Variants in SLIT3 observed in about 807,000 individuals in gnomAD.
SLIT3 encodes slit homolog 3 protein.
SLIT3 carries 68 observed loss-of-function variants against 184.0 expected under a neutral mutation model. The observed-to-expected ratio is 0.37, with a 90% CI of 0.30 to 0.45. SLIT3 has a LOEUF of 0.45. Ranked by LOEUF, SLIT3 falls within the 20% of genes least tolerant of loss-of-function variation. The pLI is 1.00. For missense variants in SLIT3, 1,707 were observed against 2,026.0 expected (o/e 0.84, Z 3.02); for synonymous variants, 831 against 828.6 (o/e 1.00, Z -0.05).
At chr5:169,061,348 A>G (rs1038329411) in intron 4 of SLIT3, among the ~76,000 whole-genome samples, 10 of 152,102 alleles carry the variant, frequency 6.6e-5, no homozygotes, top group East Asian at 3.9e-4. Context: ...TGTTGACTAG[A>G]GGCCTTCCCT....
At chr5:169,008,236 T>G (rs1756003137) in intron 4 of SLIT3, among the ~76,000 whole-genome samples, 1 of 152,186 alleles carries the variant, frequency 6.6e-6, no homozygotes, top group African/African-American at 2.4e-5. Flanking sequence ...TTGGGTCTCA[T>G]AGAAAAGGGA....
At chr5:169,295,752 A>G (rs1387268216) in intron 1 of SLIT3, among the ~76,000 whole-genome samples, 1 of 152,242 alleles carries the variant, frequency 6.6e-6, no homozygotes, top group Non-Finnish European at 1.5e-5. Flanking sequence ...GACAACAAAC[A>G]ATACTGGAGA....
chr5:169,049,402 G>A lies in SLIT3; in HGVS notation c.413+144077C>T, dbSNP rs148020819. On this transcript the variant is annotated intron_variant, in intron 4 of 35. Coordinates refer to ENST00000519560, the MANE Select transcript of SLIT3 (RefSeq NM_003062.4). ...GCAGGAATCAACCTACATATTTACT[G>A]GAATTCGATGTTGCTTTGCTTAACT... 1.1e-3 allele frequency among the ~76,000 whole-genome samples: 161 copies of A among 152,182 alleles called. 2 individuals carry two copies. The highest frequency in any genetic ancestry group is 3.8e-3 in the African/African-American group (157 of 41,524).
At chr5:169,093,138 G>C (rs887312646) in intron 4 of SLIT3, among the ~76,000 whole-genome samples, 2 of 152,162 alleles carry the variant, frequency 1.3e-5, no homozygotes, top group Non-Finnish European at 2.9e-5. Flanking sequence ...TAAATTATGA[G>C]GGTTAACAGG....
chr5:169,148,603 A>G, intron 4 of SLIT3, among the ~76,000 whole-genome samples: 1 of 152,234 alleles, frequency 6.6e-6, no homozygotes, highest in East Asian at 1.9e-4. Context: ...CCAAGCAGGC[A>G]TAATATTTTC....
rs747295261 is a variant in SLIT3 at position 169,300,464 on chromosome 5, G to C, written c.197+49C>G. 102 of 1,405,030 alleles carry C rather than the reference G, an allele frequency of 7.3e-5. No homozygotes were observed. In the East Asian group the frequency reaches 2.7e-3, roughly 37 times the overall value. 87.0% of individuals were successfully genotyped at this position (1,405,030 alleles called of 1,614,324 possible). Reference sequence around the variant, plus strand: ...CGGATCTGGCGCCTGGGGCCCCCTCGGTGGGACCCAGGTGGGTGGCCCGCG... The same window carrying C: ...CGGATCTGGCGCCTGGGGCCCCCTCCGTGGGACCCAGGTGGGTGGCCCGCG... On this transcript the variant is annotated intron_variant, in intron 1 of 35. Coordinates refer to ENST00000519560, the MANE Select transcript of SLIT3 (RefSeq NM_003062.4). This position sits in a 1 kb window ranked among gnomAD's most constrained non-coding sequence, Gnocchi z 4.1.
chr5:169,116,857 G>A (rs1168843686), intron 4 of SLIT3, among the ~76,000 whole-genome samples: 1 of 152,164 alleles, frequency 6.6e-6, no homozygotes, highest in East Asian at 1.9e-4. Flanking sequence ...TTGTTTATAG[G>A]GAATCTAATA....
At chr5:168,699,068 C>T (rs990494635) in intron 27 of SLIT3, among the ~76,000 whole-genome samples, 1 of 152,142 alleles carries the variant, frequency 6.6e-6, no homozygotes, top group Non-Finnish European at 1.5e-5. Context: ...TGGCTGGGGC[C>T]CCGTGGCCAC....
At chr5:168,991,126 TC>T (rs1245363196) in intron 4 of SLIT3, among the ~76,000 whole-genome samples, 1 of 152,236 alleles carries the variant, frequency 6.6e-6, no homozygotes, top group African/African-American at 2.4e-5. Context: ...AGCACTTGCT[TC>T]CCATCAAGAA....
intron 4 of SLIT3, among the ~76,000 whole-genome samples, chr5:169,097,438 A>G (rs1296488304): frequency 1.3e-5 from 2 of 152,174 alleles, no homozygotes; most frequent in Non-Finnish European, 2.9e-5. Flanking sequence ...AGAAGGTGGA[A>G]GAGAAAAGGG....
intron 4 of SLIT3, among the ~76,000 whole-genome samples, chr5:169,103,980 G>A (rs1005773784): frequency 9.2e-5 from 14 of 152,184 alleles, no homozygotes; most frequent in African/African-American, 1.7e-4. Flanking sequence ...AGAGACACTC[G>A]TTCCCAGGGC....
Position 168,762,522 on chromosome 5 carries a change from G to A in SLIT3, c.1610+17C>T, listed in dbSNP as rs771727777. 3.1e-6 allele frequency: 5 copies of A among 1,609,470 alleles called. No homozygotes were observed. Among genetic ancestry groups the A allele is most frequent in the South Asian group, 2.2e-5 (2 of 90,976 alleles). On this transcript the variant is annotated intron_variant, in intron 15 of 35. Coordinates refer to ENST00000519560, the MANE Select transcript of SLIT3 (RefSeq NM_003062.4). ...GTGTGGGGAGGAGTAGGGAGTTCACGCCGAGGTTGGACTTACAGGTCGGTG... is the reference window on the plus strand; with the variant it reads ...GTGTGGGGAGGAGTAGGGAGTTCACACCGAGGTTGGACTTACAGGTCGGTG...
chr5:169,014,373 A>G (rs1756283094), intron 4 of SLIT3, among the ~76,000 whole-genome samples: 2 of 152,208 alleles, frequency 1.3e-5, no homozygotes, highest in African/African-American at 4.8e-5. Flanking sequence ...GTGGAAAGTC[A>G]GTACAAATTT....
chr5:168,942,546 C>T (rs1396132346), intron 4 of SLIT3, among the ~76,000 whole-genome samples: 3 of 152,180 alleles, frequency 2.0e-5, no homozygotes, highest in Non-Finnish European at 4.4e-5. Context: ...CATTAGTCTA[C>T]AGCATTCTAG....
At chr5:169,176,548 G>T (rs1271920715) in intron 4 of SLIT3, among the ~76,000 whole-genome samples, 2 of 152,118 alleles carry the variant, frequency 1.3e-5, no homozygotes, top group East Asian at 3.8e-4. Context: ...TTTGAAAGAA[G>T]TTAAGAGGAG....
intron 4 of SLIT3, among the ~76,000 whole-genome samples, chr5:168,929,962 C>T (rs1216322451): frequency 6.6e-6 from 1 of 152,152 alleles, no homozygotes; most frequent in Non-Finnish European, 1.5e-5. Flanking sequence ...TGTCTTAGGA[C>T]TCAGAGCTTA....
At chr5:168,797,312 G>A (rs1756600431) in intron 9 of SLIT3, among the ~76,000 whole-genome samples, 1 of 152,218 alleles carries the variant, frequency 6.6e-6, no homozygotes, top group Non-Finnish European at 1.5e-5. Flanking sequence ...GGGGCTGCCA[G>A]TCAGGTGGTG....
chr5:168,883,666 A>ATCCCCCCCCCCCCCCCCC (rs1760047894), intron 4 of SLIT3, among the ~76,000 whole-genome samples: 1 of 133,848 alleles, frequency 7.5e-6, no homozygotes, highest in African/African-American at 2.7e-5. Flanking sequence ...CCCGGAGACA[A>ATCCCCCCCCCCCCCCCCC]CCCCCTGCCC....
chr5:168,917,413 A>G (rs1369391951), intron 4 of SLIT3, among the ~76,000 whole-genome samples: 1 of 152,204 alleles, frequency 6.6e-6, no homozygotes, highest in East Asian at 1.9e-4. Context: ...GTGTGGCACT[A>G]CAGGCATGGA....
Sources: allele counts gnomAD v4.1 joint callset (sites outside exome capture counted in the v4.1 genomes callset), GRCh38; gene constraint gnomAD v4.1.1; non-coding constraint Gnocchi (gnomAD v3.1); transcripts MANE v1.5; gene names NCBI Gene and HGNC (gene_info 2026-07-23, HGNC 2026-07-21).